MYH1: variants seen among roughly 807,000 people sequenced by gnomAD.
The protein encoded by MYH1 is myosin-1.
A neutral mutation model predicts 225.6 loss-of-function variants in MYH1; 214 were observed. The ratio of observed to expected loss-of-function variants is 0.95; its 90% CI spans 0.85 to 1.06. The LOEUF (loss-of-function observed/expected upper bound fraction) is 1.06, where lower values mean the gene tolerates loss of function less well. MYH1 is among the 50% of genes least tolerant of loss of function. MYH1 has a pLI of 0.00. For missense variants in MYH1, 2,098 were observed against 2,344.2 expected (o/e 0.89, Z 2.17); for synonymous variants, 774 against 842.3 (o/e 0.92, Z 1.40).
chr17:10,502,006 T>G (rs1449443218), intron 24 of MYH1, 95 bp from the exon 25 acceptor site: 2 of 1,256,216 alleles, frequency 1.6e-6, no homozygotes, highest in Non-Finnish European at 2.2e-6. Flanking sequence ...CAGCAAACTA[T>G]TTTTCTATGA....
intron 28 of MYH1, among the ~76,000 whole-genome samples, chr17:10,499,304 A>G (rs2073029587): frequency 6.6e-6 from 1 of 152,266 alleles, no homozygotes; most frequent in South Asian, 2.1e-4. Flanking sequence ...GCTTGTGAAC[A>G]GCACAAAAGA....
intron 6 of MYH1, among the ~76,000 whole-genome samples, chr17:10,514,454 T>C (rs2073205543): frequency 6.6e-6 from 1 of 152,216 alleles, no homozygotes. Flanking sequence ...AACGTGCATG[T>C]GTTTTTCCAT....
At chr17:10,512,832 A>G (rs2073186925) in intron 10 of MYH1, 35 bp downstream of exon 10, 1 of 1,599,078 alleles carries the variant, frequency 6.3e-7, no homozygotes, top group Non-Finnish European at 8.6e-7. Context: ...AAGATAGTAC[A>G]GTGACAATCT....
In MYH1 at chr17:10,492,520, C is replaced by G; in HGVS notation, c.5716G>C (p.Glu1906Gln). The G allele has an allele frequency of 6.2e-7, 1 of 1,614,112 alleles. No homozygotes were observed. The highest frequency in any genetic ancestry group is 2.2e-5 in the East Asian group (1 of 44,878). The change falls in exon 40 of 40, where the codon GAG becomes CAG. Residue 1906 changes from glutamate (E) to glutamine (Q), a missense_variant. By Grantham distance (29) the Glu-to-Gln change is conservative (BLOSUM62 2). Coordinates refer to ENST00000226207, the MANE Select transcript of MYH1 (RefSeq NM_005963.4). ...NLSKFRRIQH[E>Q]LEEAEERADI... ...GCCCGTTCCTCGGCCTCCTCCAGCT[C>G]GTGCTGGATCCTGCGGAATTTGGAG...
intron 9 of MYH1, among the ~76,000 whole-genome samples, chr17:10,513,332 C>A (rs1188913436): frequency 6.6e-6 from 1 of 152,072 alleles, no homozygotes; most frequent in South Asian, 2.1e-4. Flanking sequence ...AATCCCTGGA[C>A]AACTTGTTTA....
intron 30 of MYH1, 111 bp from the exon 31 acceptor site, chr17:10,498,028 A>AT (rs1206945933): frequency 9.0e-7 from 1 of 1,107,136 alleles, no homozygotes; most frequent in Admixed American, 3.0e-5. Context: ...TTTGCTTCTC[A>AT]AGCTTGTTTT....
intron 2 of MYH1, among the ~76,000 whole-genome samples, chr17:10,517,154 A>G (rs926869228): frequency 3.3e-5 from 5 of 152,164 alleles, no homozygotes; most frequent in Non-Finnish European, 7.4e-5. Flanking sequence ...GAAAGGCTCA[A>G]AGCTGGCTTG....
chr17:10,498,963 GTGGAGCT>G lies in MYH1; in HGVS notation c.3984+4_3984+10del, dbSNP rs2073024481. 1.2e-6 allele frequency: 2 copies of G among 1,606,478 alleles called. No individual in the cohort carries two copies. Among genetic ancestry groups the G allele is most frequent in the African/African-American group, 2.7e-5 (2 of 74,638 alleles). ...AGAACAATAATGACAAGAATGACAA[GTGGAGCT>G]TACCTTTATCTCCTCTTCAAGTTGC... On this transcript the variant is annotated splice_donor_5th_base_variant and intron_variant, in intron 29 of 39. Coordinates refer to ENST00000226207, the MANE Select transcript of MYH1 (RefSeq NM_005963.4).
Position 10,492,588 on chromosome 17 carries a change from T to G in MYH1, c.5668-20A>C. On this transcript the variant is annotated intron_variant, in intron 39 of 39. Coordinates refer to ENST00000226207, the MANE Select transcript of MYH1 (RefSeq NM_005963.4). ...TTCCTCCTGTGAATGGAAATCCATT[T>G]ATGAGGGAAGAAAGTTCAGAATTTT... The G allele has an allele frequency of 3.8e-6, 6 of 1,594,910 alleles. No homozygotes were observed. The highest frequency in any genetic ancestry group is 5.1e-6 in the Non-Finnish European group (6 of 1,171,416).
intron 31 of MYH1, 25 bp downstream of exon 31, chr17:10,497,709 T>C: frequency 6.2e-7 from 1 of 1,612,466 alleles, no homozygotes; most frequent in Non-Finnish European, 8.5e-7. Context: ...GTGTTGAAAG[T>C]TGAAGCAAAA....
At chr17:10,505,624 T>C in intron 19 of MYH1, 113 bp from the exon 20 acceptor site, 2 of 1,396,694 alleles carry the variant, frequency 1.4e-6, no homozygotes, top group Non-Finnish European at 1.9e-6. Flanking sequence ...CAAGAAATCA[T>C]ATCTACCCCT....
chr17:10,509,495 A>G lies in MYH1; in HGVS notation c.1577T>C (p.Leu526Pro), dbSNP rs1403284365. 6.2e-7 allele frequency: 1 copy of G among 1,614,124 alleles called. No individual in the cohort carries two copies. The highest frequency in any genetic ancestry group is 2.2e-5 in the East Asian group (1 of 44,866). Residue 526 changes from leucine (L) to proline (P), a missense_variant, in exon 15 of 40, where the codon CTC (leucine) becomes CCC (proline). Coordinates refer to ENST00000226207, the MANE Select transcript of MYH1 (RefSeq NM_005963.4). Reference protein sequence around the residue: ...FGMDLAACIELIEKPMGIFSI... With the variant: ...FGMDLAACIEPIEKPMGIFSI... Reference sequence around the variant, plus strand: ...AAAAAGCAAGCCAACCTTCTCGATGAGCTCGATGCAGGCAGCCAGGTCCAT... The same window carrying G: ...AAAAAGCAAGCCAACCTTCTCGATGGGCTCGATGCAGGCAGCCAGGTCCAT...
chr17:10,501,795 G>T lies in MYH1; in HGVS notation c.3228C>A (p.Asp1076Glu). 1 of 1,613,584 alleles carries T rather than the reference G, an allele frequency of 6.2e-7. No homozygotes were observed. Reference sequence around the variant, plus strand: ...TAAGCTTTTCATCAAGTTGTTGTTTGTCATTTTCTATATCCATTGTGGATT... The same window carrying T: ...TAAGCTTTTCATCAAGTTGTTGTTTTTCATTTTCTATATCCATTGTGGATT... The part of the protein sequence containing the change: ...AQESTMDIEN[D>E]KQQLDEKLKK... The change falls in exon 25 of 40, where the codon GAC (aspartate) becomes GAA (glutamate). Residue 1076 changes from aspartate (D) to glutamate (E), a missense_variant. Transcript: ENST00000226207.
In MYH1 at chr17:10,515,928, G is replaced by T. The variant is rs1597444369; in HGVS notation, c.503C>A (p.Thr168Asn). Residue 168 changes from threonine to asparagine, a missense_variant and splice_region_variant, in exon 5 of 40, where the codon ACT becomes AAT. By Grantham distance (65) the Thr-to-Asn change is moderately conservative (BLOSUM62 0). Coordinates refer to ENST00000226207, the MANE Select transcript of MYH1 (RefSeq NM_005963.4). Reference protein sequence around the residue: ...ISDNAYQFMLTDRENQSILIT... With the variant: ...ISDNAYQFMLNDRENQSILIT... The stretch of plus-strand genomic sequence containing the variant: ...TGAAAACCAGCTGAGCCACTCACCA[G>T]TCAGCATGAACTGATAGGCATTGTC... 1 of 1,614,140 alleles carries T rather than the reference G, an allele frequency of 6.2e-7. No individual in the cohort carries two copies.
chr17:10,517,605 A>G (rs1489415336), intron 2 of MYH1, among the ~76,000 whole-genome samples: 1 of 152,158 alleles, frequency 6.6e-6, no homozygotes, highest in Admixed American at 6.5e-5. Flanking sequence ...ATTTGGATAC[A>G]TTTCTCCCAT....
In MYH1 at chr17:10,501,590, G is replaced by T. The variant is rs202189914; in HGVS notation, c.3348+4C>A. On this transcript the variant is annotated splice_donor_region_variant and intron_variant, in intron 26 of 39. Transcript: ENST00000226207. Reference sequence around the variant, plus strand: ...ATTAGCCTGGCGAAAATCATTTAACGTACTTGTAACTCCTTGATTTTCTTC... The same window carrying T: ...ATTAGCCTGGCGAAAATCATTTAACTTACTTGTAACTCCTTGATTTTCTTC... The T allele has an allele frequency of 2.5e-6, 4 of 1,614,176 alleles. No individual in the cohort carries two copies. The highest frequency in any genetic ancestry group is 1.3e-5 in the African/African-American group (1 of 75,044).
Position 10,498,823 on chromosome 17 carries a change from C to A in MYH1, c.3985-1G>T, listed in dbSNP as rs2073022964. The A allele has an allele frequency of 1.9e-6, 3 of 1,614,106 alleles. No homozygotes were observed. The highest frequency in any genetic ancestry group is 2.5e-6 in the Non-Finnish European group (3 of 1,180,000). On this transcript the variant is annotated splice_acceptor_variant, in intron 29 of 39. Coordinates refer to ENST00000226207, the MANE Select transcript of MYH1 (RefSeq NM_005963.4). LOFTEE classifies it high-confidence loss of function. ...GGGCATGTGCCAGGGCACTCTTGGC[C>A]TGAGAACATAGAGATTGATGACTTA...
intron 2 of MYH1, 143 bp from the exon 3 acceptor site, chr17:10,516,825 T>TA (rs1414450359): frequency 1.5e-6 from 1 of 685,026 alleles, no homozygotes; most frequent in East Asian, 2.7e-5. Context: ...TGGTTGAGGA[T>TA]AAAATGTCAG....
intron 2 of MYH1, 90 bp from the exon 3 acceptor site, chr17:10,516,772 T>C (rs2073234515): frequency 9.7e-6 from 11 of 1,128,520 alleles, no homozygotes; most frequent in Non-Finnish European, 9.9e-6. Flanking sequence ...TACTGACCAA[T>C]TGAGTGCTTA....
Sources: gnomAD v4.1 joint callset for allele counts (sites outside exome capture counted in the v4.1 genomes callset) on GRCh38, gnomAD v4.1.1 for gene constraint, MANE v1.5 for transcripts, NCBI Gene and HGNC (gene_info 2026-07-23, HGNC 2026-07-21) for gene names.